Variants in PTN observed in about 807,000 individuals in gnomAD.
PTN encodes the protein pleiotrophin.
In PTN, 18 loss-of-function variants were observed where a neutral mutation model predicts 24.1. The observed-to-expected ratio is 0.75, with a 90% CI of 0.52 to 1.11. The LOEUF is 1.11. PTN is among the 50% of genes least tolerant of loss of function. The probability of loss-of-function intolerance (pLI) is 0.00; values close to 1 mark genes in which losing one functional copy is unlikely to be tolerated. For synonymous variants in PTN, 78 were observed against 68.6 expected, an observed-to-expected ratio of 1.14 and a Z score of -0.67; for missense variants, 163 against 198.8, an observed-to-expected ratio of 0.82 and a Z score of 1.08.
At chr7:137,230,904 T>C (rs1210121897) in intron 4 of PTN, among the ~76,000 whole-genome samples, 5 of 151,900 alleles carry the variant, frequency 3.3e-5, no homozygotes, top group Non-Finnish European at 5.9e-5. Flanking sequence ...CTTTTCTCTT[T>C]GTCTGTTTTT....
intron 1 of PTN, among the ~76,000 whole-genome samples, chr7:137,331,791 A>C (rs1017775083): frequency 6.6e-6 from 1 of 152,140 alleles, no homozygotes; most frequent in Non-Finnish European, 1.5e-5. Flanking sequence ...TTACCCTTAG[A>C]TATATGGAAG....
intron 4 of PTN, among the ~76,000 whole-genome samples, chr7:137,235,826 A>G (rs964291064): frequency 6.6e-6 from 1 of 152,148 alleles, no homozygotes; most frequent in African/African-American, 2.4e-5. Context: ...CTCCTGCTCA[A>G]CTATCTGCTC....
At chr7:137,243,335 G>C (rs556346298) in intron 4 of PTN, among the ~76,000 whole-genome samples, 1 of 152,278 alleles carries the variant, frequency 6.6e-6, no homozygotes, top group South Asian at 2.1e-4. Context: ...AATAAAAAGT[G>C]ACTGGTAATT....
chr7:137,290,821 G>C (rs1222988818), intron 1 of PTN, among the ~76,000 whole-genome samples: 3 of 151,900 alleles, frequency 2.0e-5, no homozygotes, highest in Non-Finnish European at 4.4e-5. Flanking sequence ...ATGGGGTTAT[G>C]TTCCCCTTTC....
At chr7:137,297,401 G>A (rs150872589) in intron 1 of PTN, among the ~76,000 whole-genome samples, 1 of 152,224 alleles carries the variant, frequency 6.6e-6, no homozygotes, top group African/African-American at 2.4e-5. Context: ...GCAAGAGGTA[G>A]ATGGCATACT....
Position 137,227,856 on chromosome 7 carries a change from AT to A in PTN, c.*163del. On this transcript the variant is annotated 3_prime_UTR_variant, in exon 5 of 5. Transcript: ENST00000348225. Reference sequence around the variant, plus strand: ...AGCCCCTACTGGTACTATAGTATACATTTAAAAAACGCTACTACAAAAATTT... The same window carrying A: ...AGCCCCTACTGGTACTATAGTATACATTAAAAAACGCTACTACAAAAATTT... 1.3e-6 allele frequency: 1 copy of A among 766,892 alleles called. No individual in the cohort carries two copies. The highest frequency in any genetic ancestry group is 2.0e-6 in the Non-Finnish European group (1 of 509,104). 47.5% of individuals were successfully genotyped at this position (766,892 alleles called of 1,614,324 possible).
At chr7:137,303,967 T>C (rs1317556651) in intron 1 of PTN, among the ~76,000 whole-genome samples, 1 of 151,986 alleles carries the variant, frequency 6.6e-6, no homozygotes, top group African/African-American at 2.4e-5. Flanking sequence ...TGCCACATAA[T>C]TAAATTGTTT....
intron 4 of PTN, among the ~76,000 whole-genome samples, chr7:137,248,880 TTCAATTAATTATA>T (rs1402932078): frequency 1.3e-5 from 2 of 152,170 alleles, no homozygotes; most frequent in Non-Finnish European, 2.9e-5. Flanking sequence ...TAATCATATT[TTCAATTAATTATA>T]TCAATTAATT....
chr7:137,241,540 TGCATATTTACCAA>T (rs1271379463), intron 4 of PTN, among the ~76,000 whole-genome samples: 2 of 152,194 alleles, frequency 1.3e-5, no homozygotes, highest in East Asian at 3.9e-4. Context: ...TTTAAAATAC[TGCATATTTACCAA>T]GCATTCTTAC....
intron 1 of PTN, among the ~76,000 whole-genome samples, chr7:137,313,554 T>A (rs929576543): frequency 2.6e-5 from 4 of 152,204 alleles, no homozygotes; most frequent in African/African-American, 7.2e-5. Context: ...CCTCACTGTT[T>A]AAACTATAAT....
At chr7:137,342,910 T>C (rs1179749223) in intron 1 of PTN, among the ~76,000 whole-genome samples, 2 of 152,032 alleles carry the variant, frequency 1.3e-5, no homozygotes, top group African/African-American at 2.4e-5. Context: ...GTGAGAGACG[T>C]TTCATGTCAG....
At chr7:137,336,014 C>T (rs1810442757) in intron 1 of PTN, among the ~76,000 whole-genome samples, 1 of 150,210 alleles carries the variant, frequency 6.7e-6, no homozygotes, top group Non-Finnish European at 1.5e-5. Flanking sequence ...GTGAGTCAAA[C>T]TTACCTTCAA....
intron 4 of PTN, among the ~76,000 whole-genome samples, chr7:137,233,248 A>G (rs933248388): frequency 6.6e-6 from 1 of 151,944 alleles, no homozygotes; most frequent in Non-Finnish European, 1.5e-5. Context: ...ACTAAGCCCT[A>G]ATCTAGAGAA....
At chr7:137,244,912 TTG>T (rs1808697369) in intron 4 of PTN, among the ~76,000 whole-genome samples, 1 of 152,170 alleles carries the variant, frequency 6.6e-6, no homozygotes, top group Non-Finnish European at 1.5e-5. Flanking sequence ...TCCCTGGTGT[TTG>T]GATAGCAACT....
At chr7:137,268,399 G>A (rs551812557) in intron 1 of PTN, among the ~76,000 whole-genome samples, 45 of 152,182 alleles carry the variant, frequency 3.0e-4, no homozygotes, top group African/African-American at 1.1e-3. Context: ...AGTGAAGGGA[G>A]TGGCTTTAAT....
intron 4 of PTN, chr7:137,236,079 T>C (rs991812943): frequency 3.0e-6 from 2 of 667,342 alleles, no homozygotes; most frequent in East Asian, 2.7e-5. Context: ...AATTACTTCA[T>C]CAACCATGCA....
intron 1 of PTN, among the ~76,000 whole-genome samples, chr7:137,283,583 A>T (rs1585028504): frequency 6.6e-6 from 1 of 152,290 alleles, no homozygotes; most frequent in East Asian, 1.9e-4. Context: ...AGAACATTAC[A>T]TGAGGTTAGT....
intron 4 of PTN, among the ~76,000 whole-genome samples, chr7:137,245,146 T>C (rs1347990210): frequency 1.3e-5 from 2 of 152,044 alleles, no homozygotes; most frequent in Admixed American, 6.6e-5. Flanking sequence ...ACAAAAGTGG[T>C]CAGGAAGTAA....
rs1809836910 is a variant in PTN, at chr7:137,303,427, C to T, written c.-2+40012G>A. ...AAACTAGAAGGCTAATCACATGAGA[C>T]TTATCTTAGTATGACTCTCAATTTG... On this transcript the variant is annotated intron_variant, in intron 1 of 4. Coordinates refer to ENST00000348225, the MANE Select transcript of PTN (RefSeq NM_002825.7). 2.0e-5 allele frequency among the ~76,000 whole-genome samples: 3 copies of T among 151,852 alleles called. No homozygotes were observed. In the South Asian group the frequency reaches 6.2e-4, roughly 31 times the overall value.
Sources: allele counts gnomAD v4.1 joint callset (sites outside exome capture counted in the v4.1 genomes callset), GRCh38; gene constraint gnomAD v4.1.1; transcripts MANE v1.5; gene names NCBI Gene and HGNC (gene_info 2026-07-23, HGNC 2026-07-21).